Variants in NSD3 observed in about 807,000 individuals in gnomAD.
NSD3 encodes histone-lysine N-methyltransferase NSD3.
NSD3 carries 24 observed loss-of-function variants against 160.8 expected under a neutral mutation model. That is an observed-to-expected ratio of 0.15 (90% CI 0.11 to 0.21). The LOEUF is 0.21. NSD3 is among the 10% of genes least tolerant of loss of function. The pLI is 1.00. For synonymous variants in NSD3, 520 were observed against 600.0 expected, an observed-to-expected ratio of 0.87 and a Z score of 1.95; for missense variants, 1,157 against 1,735.9, an observed-to-expected ratio of 0.67 and a Z score of 5.93.
At chr8:38,342,810 G>A (rs925898779) in intron 2 of NSD3, among the ~76,000 whole-genome samples, 5 of 151,754 alleles carry the variant, frequency 3.3e-5, no homozygotes, top group Admixed American at 6.6e-5. Flanking sequence ...CGCCCGCCTC[G>A]GCCTCCCAAA....
chr8:38,296,277 C>A (rs1320551499), intron 15 of NSD3, among the ~76,000 whole-genome samples: 1 of 152,134 alleles, frequency 6.6e-6, no homozygotes, highest in East Asian at 1.9e-4. Context: ...AGCATAAAAT[C>A]TTTTGACTGA....
In NSD3 at chr8:38,366,086, G is replaced by A. The variant is rs369705800; in HGVS notation, c.-45+15713C>T. ...AGATCGCACCTCTGCACGCCAGTCT[G>A]GGTGATAGTGTGAGACTCTGTCTCA... On this transcript the variant is annotated intron_variant, in intron 1 of 23. Transcript: ENST00000317025. 3.4e-5 allele frequency among the ~76,000 whole-genome samples: 5 copies of A among 148,092 alleles called. No individual in the cohort carries two copies. In the East Asian group the frequency reaches 5.9e-4, roughly 17 times the overall value.
chr8:38,324,777 A>G (rs1307835952), intron 7 of NSD3, among the ~76,000 whole-genome samples: 1 of 152,150 alleles, frequency 6.6e-6, no homozygotes, highest in East Asian at 1.9e-4. Flanking sequence ...CCATCCTCCG[A>G]GAAGGGGAGT....
intron 12 of NSD3, among the ~76,000 whole-genome samples, chr8:38,309,058 C>T (rs1809472692): frequency 6.6e-6 from 1 of 151,780 alleles, no homozygotes; most frequent in African/African-American, 2.4e-5. Context: ...CCTGTAATCC[C>T]AGCACTTTGG....
chr8:38,296,716 ATG>A (rs1179561417), intron 15 of NSD3, among the ~76,000 whole-genome samples: 9 of 95,338 alleles, frequency 9.4e-5, no homozygotes, highest in Non-Finnish European at 4.5e-5. Context: ...GTGTGTGTGT[ATG>A]TGTGTGTATT....
chr8:38,368,673 CCT>C (rs1293237606), intron 1 of NSD3, among the ~76,000 whole-genome samples: 4 of 152,110 alleles, frequency 2.6e-5, no homozygotes, highest in African/African-American at 4.8e-5. Context: ...AGTAAAACAC[CCT>C]GTTTCCCTTA....
At chr8:38,373,498 T>G (rs1265654690) in intron 1 of NSD3, among the ~76,000 whole-genome samples, 1 of 152,210 alleles carries the variant, frequency 6.6e-6, no homozygotes, top group Non-Finnish European at 1.5e-5. Flanking sequence ...GCCTATTTCT[T>G]AAAGTTTTTG....
intron 1 of NSD3, among the ~76,000 whole-genome samples, chr8:38,377,795 C>T (rs764827038): frequency 1.3e-5 from 2 of 151,992 alleles, no homozygotes; most frequent in Non-Finnish European, 2.9e-5. Context: ...TTAGCCGGCA[C>T]GGTGGTGCAT....
intron 16 of NSD3, among the ~76,000 whole-genome samples, chr8:38,291,429 C>T (rs1808994968): frequency 6.6e-6 from 1 of 152,092 alleles, no homozygotes; most frequent in Non-Finnish European, 1.5e-5. Flanking sequence ...AGTAAATATA[C>T]ATAGACTTAA....
rs977908154 is a variant in NSD3, at chr8:38,379,856, T to G, written c.-45+1943A>C. Among the ~76,000 whole-genome samples, 3 of 152,240 alleles carry G rather than the reference T, an allele frequency of 2.0e-5. No individual in the cohort carries two copies. The East Asian group carries it at 5.8e-4, about 29-fold the overall frequency. ...AAAAACAAAAGGTCACACACACATT[T>G]AATCCAATATGAAATAAAATAGGCT... On this transcript the variant is annotated intron_variant, in intron 1 of 23. Coordinates refer to ENST00000317025, the MANE Select transcript of NSD3 (RefSeq NM_023034.2).
At chr8:38,326,917 T>C (rs930018451) in intron 6 of NSD3, 61 bp from the exon 7 acceptor site, 6 of 1,586,718 alleles carry the variant, frequency 3.8e-6, no homozygotes, top group Admixed American at 1.8e-5. Context: ...AGTGGCATCA[T>C]GGGCTTATAA....
rs1453576034 is a variant in NSD3 at position 38,329,186 on chromosome 8, A to T, written c.1581+192T>A. Among the ~76,000 whole-genome samples the T allele has an allele frequency of 6.6e-6, 1 of 152,180 alleles. No homozygotes were observed. The highest frequency in any genetic ancestry group is 1.9e-4 in the East Asian group (1 of 5,196). ...ACTACAGATGGGAAAATCACAAAAG[A>T]AGGGGATAAAAAAGAAGAAAAACAT... On this transcript the variant is annotated intron_variant, in intron 6 of 23. Transcript: ENST00000317025. This position sits in a 1 kb window ranked among gnomAD's most constrained non-coding sequence, Gnocchi z 4.8.
chr8:38,357,382 GC>G (rs1447059085), intron 1 of NSD3, among the ~76,000 whole-genome samples: 2 of 151,994 alleles, frequency 1.3e-5, no homozygotes, highest in African/African-American at 4.8e-5. Context: ...AAGCAAGGTC[GC>G]TAACCTACCT....
At position 38,290,613 on chromosome 8, in the gene NSD3, C is replaced by A. The variant is rs778828933; in HGVS notation, c.2980G>T (p.Asp994Tyr). Residue 994 changes from aspartate to tyrosine, a missense_variant, in exon 17 of 24, where the codon GAC (aspartate) becomes TAC (tyrosine). By Grantham distance (160) the Asp-to-Tyr change is radical (BLOSUM62 -3). Around this residue, in one of 10 missense-constraint regions of NSD3, gnomAD observed 437 missense variants for 576.6 expected, o/e 0.76. Coordinates refer to ENST00000317025, the MANE Select transcript of NSD3 (RefSeq NM_023034.2). ...VPLNIQGLKH[D>Y]LGDFPVFFFG... ...AAGAATACAGGGAAGTCCCCCAAGTCATGTTTAAGGCCCTGGATGTTCAGT... is the reference window on the plus strand; with the variant it reads ...AAGAATACAGGGAAGTCCCCCAAGTAATGTTTAAGGCCCTGGATGTTCAGT... 17 of 1,614,016 alleles carry A rather than the reference C, an allele frequency of 1.1e-5. No individual in the cohort carries two copies. Among genetic ancestry groups the A allele is most frequent in the Non-Finnish European group, 1.4e-5 (16 of 1,179,930 alleles).
In NSD3 at chr8:38,290,498, C is replaced by A; in HGVS notation, c.3095G>T (p.Ser1032Ile). 6.2e-7 allele frequency: 1 copy of A among 1,614,146 alleles called. No individual in the cohort carries two copies. Among genetic ancestry groups the A allele is most frequent in the Non-Finnish European group, 8.5e-7 (1 of 1,180,008 alleles). The change falls in exon 17 of 24, where the codon AGT becomes ATT. Residue 1032 changes from serine to isoleucine, a missense_variant. Physicochemically the swap from Ser to Ile is moderately radical, Grantham distance 142 (BLOSUM62 -2). Transcript: ENST00000317025. ...GDKSFAEGQT[S>I]INKTFKKALE... ...ACCCTTTTTGAAGGTCTTGTTAATA[C>A]TAGTCTGCCCTTCAGCAAAGCTTTT...
chr8:38,271,857 A>G lies in NSD3; in HGVS notation c.*3784T>C, dbSNP rs1808491762. 6.6e-6 allele frequency: 1 copy of G among 152,244 alleles called. No homozygotes were observed. Among genetic ancestry groups the G allele is most frequent in the South Asian group, 2.1e-4 (1 of 4,832 alleles). The allele number at this position is 152,244 out of a possible 1,614,324, so 9.4% of individuals were successfully genotyped here. On this transcript the variant is annotated 3_prime_UTR_variant, in exon 24 of 24. Transcript: ENST00000317025. ...TTGTTAAGAGGACATGGCATGTGGC[A>G]GCCAACACCTTGACTTCAAGGTGAA...
At chr8:38,341,259 G>T (rs1345792922) in intron 2 of NSD3, among the ~76,000 whole-genome samples, 1 of 152,058 alleles carries the variant, frequency 6.6e-6, no homozygotes, top group African/African-American at 2.4e-5. Context: ...ATTACAATCT[G>T]CCAGGCACAG....
Position 38,316,862 on chromosome 8 carries a change from A to G in NSD3, c.1856-820T>C. On this transcript the variant is annotated intron_variant, in intron 9 of 23. Coordinates refer to ENST00000317025, the MANE Select transcript of NSD3 (RefSeq NM_023034.2). The surrounding 1 kb of genome is among the most constrained non-coding windows in gnomAD (Gnocchi z 4.5). ...AATCCAGCCAAAACAATAGTGCAAAAAGTTACAAAGCAACAATCTCTTGGG... is the reference window on the plus strand; with the variant it reads ...AATCCAGCCAAAACAATAGTGCAAAGAGTTACAAAGCAACAATCTCTTGGG... The G allele has an allele frequency of 9.4e-7, 1 of 1,062,820 alleles. No homozygotes were observed. The highest frequency in any genetic ancestry group is 1.1e-6 in the Non-Finnish European group (1 of 877,526). The allele number at this position is 1,062,820 out of a possible 1,614,324, so 65.8% of individuals were successfully genotyped here.
At chr8:38,325,584 T>A (rs1248217974) in intron 7 of NSD3, among the ~76,000 whole-genome samples, 1 of 152,202 alleles carries the variant, frequency 6.6e-6, no homozygotes, top group Non-Finnish European at 1.5e-5. Context: ...TCAAAAAAAT[T>A]ATGTTGGCTG....
Sources: allele counts gnomAD v4.1 joint callset (sites outside exome capture counted in the v4.1 genomes callset), GRCh38; gene constraint gnomAD v4.1.1; regional missense constraint gnomAD v4.1.1; non-coding constraint Gnocchi (gnomAD v3.1); transcripts MANE v1.5; gene names NCBI Gene and HGNC (gene_info 2026-07-23, HGNC 2026-07-21).